The following SLC24A2 variants were observed in gnomAD, a reference collection of about 807,000 sequenced individuals.
The protein encoded by SLC24A2 is sodium/potassium/calcium exchanger 2.
Under a neutral mutation model 62.0 loss-of-function variants are expected in SLC24A2, and 36 were observed. The observed-to-expected ratio is 0.58, with a 90% CI of 0.44 to 0.77. The LOEUF (loss-of-function observed/expected upper bound fraction) is 0.77. SLC24A2 is among the 30% of genes least tolerant of loss of function. The pLI is 0.00. For missense variants in SLC24A2, 846 were observed against 817.9 expected (o/e 1.03, Z -0.42); for synonymous variants, 358 against 294.0 (o/e 1.22, Z -2.23).
At chr9:20,201,308 G>T in the SLC24A2 span, among the ~76,000 whole-genome samples, 1 of 152,210 alleles carries the variant, frequency 6.6e-6, no homozygotes. Flanking sequence ...CAACCAGCTT[G>T]CCAGGGAGGT....
At chr9:20,108,175 A>C in the SLC24A2 span, among the ~76,000 whole-genome samples, 1 of 152,148 alleles carries the variant, frequency 6.6e-6, no homozygotes, top group African/African-American at 2.4e-5. Flanking sequence ...TTAGAATGGC[A>C]ATCATTAAAA....
chr9:19,844,717 G>A, the SLC24A2 span, among the ~76,000 whole-genome samples: 1 of 152,056 alleles, frequency 6.6e-6, no homozygotes, highest in Non-Finnish European at 1.5e-5. Flanking sequence ...CAGGGGTCAA[G>A]TTTCATTCTT....
the SLC24A2 span, among the ~76,000 whole-genome samples, chr9:19,909,903 C>G: frequency 6.6e-6 from 1 of 152,092 alleles, no homozygotes; most frequent in African/African-American, 2.4e-5. Context: ...ATTCCTCCCA[C>G]ACTTGCTTCT....
chr9:19,720,773 A>G (rs953115796), intron 2 of SLC24A2, among the ~76,000 whole-genome samples: 2 of 149,918 alleles, frequency 1.3e-5, no homozygotes, highest in Non-Finnish European at 3.0e-5. Flanking sequence ...AAACACTTAA[A>G]TAGAAACTCA....
At chr9:19,955,386 T>G in the SLC24A2 span, among the ~76,000 whole-genome samples, 18 of 151,696 alleles carry the variant, frequency 1.2e-4, 1 homozygote, top group Admixed American at 1.1e-3. Context: ...GGTTTTTTTT[T>G]TTTTTGTTTT....
At chr9:19,586,592 CT>C (rs1395432972) in intron 5 of SLC24A2, among the ~76,000 whole-genome samples, 1 of 151,868 alleles carries the variant, frequency 6.6e-6, no homozygotes, top group Admixed American at 6.6e-5. Flanking sequence ...TACCCCCTCC[CT>C]TTTTTTATAA....
At chr9:19,680,047 T>C (rs1198133497) in intron 2 of SLC24A2, among the ~76,000 whole-genome samples, 4 of 152,076 alleles carry the variant, frequency 2.6e-5, no homozygotes, top group Non-Finnish European at 5.9e-5. Flanking sequence ...CAACTAAACA[T>C]GAATTTGGCA....
rs949957010 is a variant in SLC24A2 at position 19,547,852 on chromosome 9, G to T, written c.1479+2285C>A. On this transcript the variant is annotated intron_variant, in intron 8 of 10. Transcript: ENST00000341998. The stretch of plus-strand genomic sequence containing the variant: ...AGAGAGAGAGAGACAGACAGAGAGA[G>T]GAGAGACAATGCAAGCATATCTTAG... Among the ~76,000 whole-genome samples, 44 of 151,820 alleles carry T rather than the reference G, an allele frequency of 2.9e-4. 2 individuals are homozygous for T. The highest frequency in any genetic ancestry group is 9.5e-4 in the African/African-American group (39 of 41,076).
At chr9:20,278,192 A>T in the SLC24A2 span, among the ~76,000 whole-genome samples, 1 of 152,152 alleles carries the variant, frequency 6.6e-6, no homozygotes, top group Admixed American at 6.5e-5. Flanking sequence ...TATGTAACAA[A>T]CCGGCACACT....
At chr9:20,188,789 C>T in the SLC24A2 span, among the ~76,000 whole-genome samples, 2 of 152,040 alleles carry the variant, frequency 1.3e-5, no homozygotes, top group African/African-American at 4.8e-5. Flanking sequence ...CCTAGAGCTG[C>T]CTAAAGGAAC....
the SLC24A2 span, among the ~76,000 whole-genome samples, chr9:20,127,025 ATC>A: frequency 3.5e-4 from 54 of 152,166 alleles, no homozygotes; most frequent in African/African-American, 1.2e-3. Context: ...ACTTCATTTC[ATC>A]TCTTTTTTTC....
At chr9:19,847,097 C>T in the SLC24A2 span, among the ~76,000 whole-genome samples, 2 of 152,070 alleles carry the variant, frequency 1.3e-5, no homozygotes, top group African/African-American at 4.8e-5. Flanking sequence ...AATTATTTGA[C>T]ATTATGTAAT....
At chr9:19,977,619 G>C in the SLC24A2 span, among the ~76,000 whole-genome samples, 2 of 152,164 alleles carry the variant, frequency 1.3e-5, no homozygotes, top group African/African-American at 4.8e-5. Flanking sequence ...TCCCATGTGT[G>C]TCAGGCAAGT....
At chr9:20,048,922 A>AT in the SLC24A2 span, among the ~76,000 whole-genome samples, 1 of 147,950 alleles carries the variant, frequency 6.8e-6, no homozygotes, top group Non-Finnish European at 1.5e-5. Flanking sequence ...TTATTTATGT[A>AT]TTTTTTATTT....
chr9:20,083,645 A>G, the SLC24A2 span, among the ~76,000 whole-genome samples: 1 of 152,242 alleles, frequency 6.6e-6, no homozygotes, highest in South Asian at 2.1e-4. Flanking sequence ...TTATTTTATG[A>G]TAACACAGTA....
chr9:19,758,308 T>C (rs1165095385), intron 2 of SLC24A2, among the ~76,000 whole-genome samples: 1 of 152,186 alleles, frequency 6.6e-6, no homozygotes, highest in East Asian at 1.9e-4. Flanking sequence ...TTGCCTGAAC[T>C]AAGTCTGTGA....
At chr9:20,009,111 A>G in the SLC24A2 span, among the ~76,000 whole-genome samples, 1,453 of 152,280 alleles carry the variant, frequency 9.5e-3, 33 homozygotes, top group African/African-American at 0.033. Flanking sequence ...CATGGTTTCT[A>G]TAGTGGGAAA....
the SLC24A2 span, among the ~76,000 whole-genome samples, chr9:20,059,267 G>C: frequency 6.6e-6 from 1 of 152,182 alleles, no homozygotes; most frequent in Admixed American, 6.5e-5. Flanking sequence ...AGCAAGGATA[G>C]AGATAACTTG....
chr9:20,055,678 A>G, the SLC24A2 span, among the ~76,000 whole-genome samples: 6 of 152,204 alleles, frequency 3.9e-5, no homozygotes, highest in East Asian at 3.9e-4. Context: ...GCCTGAGCTC[A>G]GGAGTTCAAG....
Sources: allele counts gnomAD v4.1 joint callset (sites outside exome capture counted in the v4.1 genomes callset), GRCh38; gene constraint gnomAD v4.1.1; transcripts MANE v1.5; gene names NCBI Gene and HGNC (gene_info 2026-07-23, HGNC 2026-07-21).